The following ASAH1 variants were observed in gnomAD, a reference collection of about 807,000 sequenced individuals.
The protein encoded by ASAH1 is acid ceramidase.
In ASAH1, 70 loss-of-function variants were observed where a neutral mutation model predicts 59.5. The ratio of observed to expected loss-of-function variants is 1.18; its 90% CI spans 0.97 to 1.43. The LOEUF is 1.43. Among genes scored for constraint, ASAH1 ranks in the 40% most tolerant of loss-of-function variants. The pLI is 0.00. For missense variants in ASAH1, 660 were observed against 482.5 expected (o/e 1.37, Z -3.45); for synonymous variants, 213 against 166.5 (o/e 1.28, Z -2.15).
upstream of ASAH1, chr8:18,084,360 C>G (rs979816969): frequency 2.2e-5 from 31 of 1,406,470 alleles, no homozygotes; most frequent in Middle Eastern, 2.6e-4. Flanking sequence ...GGGCAATAGT[C>G]GGACCGAGCC....
At chr8:18,084,457 C>T (rs1487954211), upstream of ASAH1, 26 of 1,322,414 alleles carry the variant, frequency 2.0e-5, no homozygotes, top group Non-Finnish European at 2.4e-5. Flanking sequence ...GCCTGTCCCG[C>T]GTACCCAGGC....
Position 18,084,044 on chromosome 8 carries a change from A to C in ASAH1, c.15T>G (p.Ser5Arg). The change falls in exon 1 of 14, where the codon AGT becomes AGG. Residue 5 changes from serine (S) to arginine (R), a missense_variant. Transcript: ENST00000637790. MPGR[S>R]CVALVLLAAA... The stretch of plus-strand genomic sequence containing the variant: ...CAGCCAGGAGGACTAAGGCGACGCA[A>C]CTCCGGCCCGGCATCGCTCTAGCAG... 1 of 1,598,494 alleles carries C rather than the reference A, an allele frequency of 6.3e-7. No homozygotes were observed. Among genetic ancestry groups the C allele is most frequent in the Non-Finnish European group, 8.5e-7 (1 of 1,179,616 alleles).
chr8:18,075,414 C>A (rs1332515947), intron 2 of ASAH1, 127 bp downstream of exon 2: 10 of 1,025,414 alleles, frequency 9.8e-6, no homozygotes, highest in Non-Finnish European at 1.4e-5. Flanking sequence ...AGAAACAAAC[C>A]TCTGTCTCGG....
In ASAH1 at chr8:18,081,504, C is replaced by A. The variant is rs921485028; in HGVS notation, c.78+2477G>T. 2.0e-5 allele frequency among the ~76,000 whole-genome samples: 3 copies of A among 152,218 alleles called. No individual in the cohort carries two copies. The East Asian group carries it at 5.8e-4, about 29-fold the overall frequency. On this transcript the variant is annotated intron_variant, in intron 1 of 13. Coordinates refer to ENST00000637790, the MANE Select transcript of ASAH1 (RefSeq NM_177924.5). Reference sequence around the variant, plus strand: ...TTTCTGAATCCTTAATAAGAGTCTACAGAACCCTGGATGATGTCATCTGGC... The same window carrying A: ...TTTCTGAATCCTTAATAAGAGTCTAAAGAACCCTGGATGATGTCATCTGGC...
chr8:18,069,682 T>A, intron 4 of ASAH1, 110 bp downstream of exon 4: 1 of 752,632 alleles, frequency 1.3e-6, no homozygotes. Flanking sequence ...GCTAGATTCA[T>A]GCAGATTTGC....
In ASAH1 at chr8:18,057,460, A is replaced by T; in HGVS notation, c.*74T>A. 2 of 1,197,094 alleles carry T rather than the reference A, an allele frequency of 1.7e-6. No homozygotes were observed. The highest frequency in any genetic ancestry group is 2.4e-6 in the Non-Finnish European group (2 of 822,510). 74.2% of individuals were successfully genotyped at this position (1,197,094 alleles called of 1,614,324 possible). ...AGTCTTAGTCTTTGGAAGGTCAGAC[A>T]GCTGCAGTGTTCGGTCACATGGAGA... On this transcript the variant is annotated 3_prime_UTR_variant, in exon 14 of 14. Coordinates refer to ENST00000637790, the MANE Select transcript of ASAH1 (RefSeq NM_177924.5).
At chr8:18,079,440 T>TAA (rs1210191363) in intron 1 of ASAH1, among the ~76,000 whole-genome samples, 1 of 139,326 alleles carries the variant, frequency 7.2e-6, no homozygotes, top group Admixed American at 7.2e-5. Flanking sequence ...CACAACATTC[T>TAA]AAAAAAAACA....
At chr8:18,071,230 T>C (rs1800156484) in intron 3 of ASAH1, 70 bp downstream of exon 3, 1 of 824,402 alleles carries the variant, frequency 1.2e-6, no homozygotes, top group African/African-American at 2.0e-5. Flanking sequence ...AATCAATCAA[T>C]AAATAAAAAT....
At chr8:18,075,051 A>G (rs1384050697) in intron 2 of ASAH1, among the ~76,000 whole-genome samples, 1 of 142,350 alleles carries the variant, frequency 7.0e-6, no homozygotes, top group Non-Finnish European at 1.5e-5. Flanking sequence ...ACTGGAGTGC[A>G]GTGGTGCGAT....
In ASAH1 at chr8:18,065,882, TTGTGTGTGTG is replaced by T. The variant is rs71215300; in HGVS notation, c.382+1328_382+1337del. The T allele has an allele frequency of 1.1e-3, 163 of 143,640 alleles. 2 individuals are homozygous for T. Among genetic ancestry groups the T allele is most frequent in the East Asian group, 1.4e-3 (7 of 4,872 alleles). The allele number at this position is 143,640 out of a possible 1,614,324, so 8.9% of individuals were successfully genotyped here. On this transcript the variant is annotated intron_variant, in intron 5 of 13. Transcript: ENST00000637790. ...ACCTGATTGTATATACAGATACACATTGTGTGTGTGTGTGTGTGTGTGTGTGTGTATATAT... is the reference window on the plus strand; with the variant it reads ...ACCTGATTGTATATACAGATACACATTGTGTGTGTGTGTGTGTGTATATAT...
chr8:18,057,492 C>T lies in ASAH1; in HGVS notation c.*42G>A. 6.8e-7 allele frequency: 1 copy of T among 1,481,422 alleles called. No homozygotes were observed. The highest frequency in any genetic ancestry group is 9.3e-7 in the Non-Finnish European group (1 of 1,069,894). The allele number at this position is 1,481,422 out of a possible 1,614,324, so 91.8% of individuals were successfully genotyped here. ...GTGTTCGGTCACATGGAGATGGTGT[C>T]TTCATGTCTCAGAGGCCGCATTCTG... On this transcript the variant is annotated 3_prime_UTR_variant, in exon 14 of 14. Coordinates refer to ENST00000637790, the MANE Select transcript of ASAH1 (RefSeq NM_177924.5).
At chr8:18,083,950 C>T (rs761247944) in intron 1 of ASAH1, 31 bp downstream of exon 1, 3 of 1,591,028 alleles carry the variant, frequency 1.9e-6, no homozygotes. Context: ...CCTGCACGCC[C>T]CTCTCTGCGC....
In ASAH1 at chr8:18,079,626, T is replaced by C. The variant is rs1800566496; in HGVS notation, c.79-4039A>G. Among the ~76,000 whole-genome samples the C allele has an allele frequency of 2.0e-5, 3 of 152,210 alleles. No individual in the cohort carries two copies. In the South Asian group the frequency reaches 6.2e-4, roughly 32 times the overall value. ...AGTCCAGAAAGCCCTTGTGTGCTTG[T>C]CTTATTGAAATACTCAGAAAGAGAC... On this transcript the variant is annotated intron_variant, in intron 1 of 13. Transcript: ENST00000637790.
chr8:18,073,297 TA>T (rs759918183), intron 2 of ASAH1: 23 of 1,559,682 alleles, frequency 1.5e-5, no homozygotes, highest in African/African-American at 5.4e-5. Flanking sequence ...AATGCAAAAA[TA>T]AAAAAAACAC....
At position 18,061,731 on chromosome 8, in the gene ASAH1, T is replaced by C. The variant is rs867271364; in HGVS notation, c.658A>G (p.Ser220Gly). Reference protein sequence around the residue: ...MLTGFKPGLFSLTLNERFSIN... With the variant: ...MLTGFKPGLFGLTLNERFSIN... ...CTGAAACGTTCATTCAGTGTAAGAC[T>C]GAACAGTCCCTGAGAAAAAGACAAA... Residue 220 changes from serine to glycine, a missense_variant, in exon 9 of 14, where the codon AGT (serine) becomes GGT (glycine). Transcript: ENST00000637790. 4 of 1,575,914 alleles carry C rather than the reference T, an allele frequency of 2.5e-6. No homozygotes were observed. Among genetic ancestry groups the C allele is most frequent in the African/African-American group, 1.4e-5 (1 of 73,818 alleles).
chr8:18,084,127 A>G, upstream of ASAH1: 2 of 1,582,840 alleles, frequency 1.3e-6, no homozygotes, highest in South Asian at 1.1e-5. Flanking sequence ...GGCCGGGGGC[A>G]GGCCACGCCC....
Position 18,071,334 on chromosome 8 carries a change from C to T in ASAH1, c.182G>A (p.Arg61Lys). 1 of 1,604,920 alleles carries T rather than the reference C, an allele frequency of 6.2e-7. No individual in the cohort carries two copies. The highest frequency in any genetic ancestry group is 8.5e-7 in the Non-Finnish European group (1 of 1,173,620). The change falls in exon 3 of 14, where the codon AGA (arginine) becomes AAA (lysine). Residue 61 changes from arginine (R) to lysine (K), a missense_variant. Arg to Lys is a conservative substitution (Grantham distance 26). Coordinates refer to ENST00000637790, the MANE Select transcript of ASAH1 (RefSeq NM_177924.5). The part of the protein sequence containing the change: ...TINLDLPPYK[R>K]WHELMLDKAP... The stretch of plus-strand genomic sequence containing the variant: ...CTTGTCAAGCATCAATTCATGCCAT[C>T]TTTTGTAGGGTGGTAAGTCAAGATT...
Position 18,059,484 on chromosome 8 carries a change from T to A in ASAH1, c.918-20A>T. 2 of 1,614,190 alleles carry A rather than the reference T, an allele frequency of 1.2e-6. No homozygotes were observed. Among genetic ancestry groups the A allele is most frequent in the South Asian group, 1.1e-5 (1 of 91,078 alleles). On this transcript the variant is annotated intron_variant, in intron 11 of 13. Coordinates refer to ENST00000637790, the MANE Select transcript of ASAH1 (RefSeq NM_177924.5). The stretch of plus-strand genomic sequence containing the variant: ...TCGAGTCTAGATACAAAAGGAGAGA[T>A]TCCCTCTTAGGCTACATGCCTTAAA...
intron 8 of ASAH1, 30 bp downstream of exon 8, chr8:18,062,249 T>A (rs1453087465): frequency 1.9e-6 from 3 of 1,613,958 alleles, no homozygotes; most frequent in Non-Finnish European, 2.5e-6. Flanking sequence ...GAAGGCTACC[T>A]GTATAATTAT....
Sources: gnomAD v4.1 joint callset for allele counts (sites outside exome capture counted in the v4.1 genomes callset) on GRCh38, gnomAD v4.1.1 for gene constraint, MANE v1.5 for transcripts, NCBI Gene and HGNC (gene_info 2026-07-23, HGNC 2026-07-21) for gene names.